Variants in CEP112 observed in about 807,000 individuals in gnomAD.
CEP112 encodes centrosomal protein 112.
In CEP112, 127 loss-of-function variants were observed where a neutral mutation model predicts 153.0. The ratio of observed to expected loss-of-function variants is 0.83; its 90% CI spans 0.72 to 0.96. CEP112 has a LOEUF of 0.96. CEP112 is among the 40% of genes least tolerant of loss of function. CEP112 has a pLI of 0.00. For missense variants in CEP112, 1,089 were observed against 1,101.2 expected (o/e 0.99, Z 0.16); for synonymous variants, 358 against 374.4 (o/e 0.96, Z 0.51).
chr17:65,811,030 A>C (rs1225060524), intron 21 of CEP112, among the ~76,000 whole-genome samples: 1 of 152,236 alleles, frequency 6.6e-6, no homozygotes, highest in African/African-American at 2.4e-5. Flanking sequence ...AGGTTTGAGA[A>C]GAATAGACGG....
intron 10 of CEP112, among the ~76,000 whole-genome samples, chr17:66,064,391 C>A (rs2067037810): frequency 6.6e-6 from 1 of 152,110 alleles, no homozygotes; most frequent in African/African-American, 2.4e-5. Context: ...ATTTCTCTAT[C>A]TTCTTTACTA....
At chr17:66,138,301 G>A (rs1255621379) in intron 4 of CEP112, among the ~76,000 whole-genome samples, 1 of 152,164 alleles carries the variant, frequency 6.6e-6, no homozygotes, top group African/African-American at 2.4e-5. Flanking sequence ...GAGGGGTCTG[G>A]CATAACATTG....
At chr17:65,991,848 T>G (rs1291788836) in intron 17 of CEP112, among the ~76,000 whole-genome samples, 1 of 152,126 alleles carries the variant, frequency 6.6e-6, no homozygotes, top group Non-Finnish European at 1.5e-5. Context: ...TTGGCAATTT[T>G]AAAACTAAAT....
At chr17:65,693,034 C>T (rs1017029715) in intron 23 of CEP112, among the ~76,000 whole-genome samples, 1 of 152,176 alleles carries the variant, frequency 6.6e-6, no homozygotes. Flanking sequence ...AACACACACA[C>T]ACATATCATA....
At chr17:65,906,322 A>G (rs1001716751) in intron 19 of CEP112, among the ~76,000 whole-genome samples, 2 of 152,080 alleles carry the variant, frequency 1.3e-5, no homozygotes, top group Admixed American at 6.6e-5. Flanking sequence ...AATGTAGGTG[A>G]CGGGTTGATG....
chr17:66,020,422 C>G (rs2064956612), intron 16 of CEP112, among the ~76,000 whole-genome samples: 1 of 152,188 alleles, frequency 6.6e-6, no homozygotes, highest in East Asian at 1.9e-4. Context: ...TTCCTATACA[C>G]TAAGCTCATG....
chr17:65,796,597 C>A (rs537725221), intron 21 of CEP112, among the ~76,000 whole-genome samples: 2 of 152,276 alleles, frequency 1.3e-5, no homozygotes, highest in South Asian at 4.1e-4. Flanking sequence ...CTGCAGTGAG[C>A]TCTGATTGAC....
chr17:65,757,432 G>A (rs1264465600), intron 21 of CEP112, among the ~76,000 whole-genome samples: 2 of 152,198 alleles, frequency 1.3e-5, no homozygotes, highest in East Asian at 3.9e-4. Flanking sequence ...AGAAGTGAAG[G>A]AAGGCATAAA....
At chr17:65,646,436 C>T (rs59980683) in intron 24 of CEP112, among the ~76,000 whole-genome samples, 5,219 of 152,208 alleles carry the variant, frequency 0.034, 234 homozygotes, top group African/African-American at 0.098. Flanking sequence ...AAAGCTGAAT[C>T]CTGTTACTTC....
chr17:65,773,722 G>A (rs980145083), intron 21 of CEP112, among the ~76,000 whole-genome samples: 7 of 152,142 alleles, frequency 4.6e-5, no homozygotes, highest in African/African-American at 1.2e-4. Context: ...TCTTAAACCT[G>A]ATATTTTCTT....
intron 23 of CEP112, among the ~76,000 whole-genome samples, chr17:65,729,900 G>A (rs1475602097): frequency 1.4e-5 from 2 of 147,576 alleles, no homozygotes; most frequent in Admixed American, 7.1e-5. Flanking sequence ...GCCACATAGC[G>A]AGATCCTGTC....
At chr17:66,177,935 T>C (rs1332854068) in intron 2 of CEP112, among the ~76,000 whole-genome samples, 2 of 152,224 alleles carry the variant, frequency 1.3e-5, no homozygotes, top group Non-Finnish European at 2.9e-5. Flanking sequence ...TGTGTACATA[T>C]ATCACATTTT....
At chr17:65,655,400 A>T in intron 24 of CEP112, 1 of 1,488,290 alleles carries the variant, frequency 6.7e-7, no homozygotes, top group Non-Finnish European at 9.4e-7. Flanking sequence ...AAGAACTAAG[A>T]ACAGTACATG....
chr17:65,884,706 C>CTTTTTT (rs11370374), intron 20 of CEP112, among the ~76,000 whole-genome samples: 1 of 130,656 alleles, frequency 7.7e-6, no homozygotes. Context: ...TTTGTAGTTT[C>CTTTTTT]TTTTTTTTTT....
chr17:65,853,539 G>T (rs1598785043), intron 20 of CEP112, among the ~76,000 whole-genome samples: 1 of 152,030 alleles, frequency 6.6e-6, no homozygotes, highest in Non-Finnish European at 1.5e-5. Flanking sequence ...GACCAGCCTG[G>T]CCAAGATGGT....
chr17:66,027,337 A>G (rs561119779), intron 16 of CEP112, among the ~76,000 whole-genome samples, 164 bp downstream of exon 16: 1 of 152,154 alleles, frequency 6.6e-6, no homozygotes, highest in African/African-American at 2.4e-5. Flanking sequence ...AGATCGTGCC[A>G]CTGCACTCCA....
intron 12 of CEP112, among the ~76,000 whole-genome samples, chr17:66,035,664 A>G (rs1434775952): frequency 6.6e-6 from 1 of 152,202 alleles, no homozygotes; most frequent in South Asian, 2.1e-4. Context: ...AGTATTCACT[A>G]TAGCCAAGAT....
intron 11 of CEP112, among the ~76,000 whole-genome samples, chr17:66,055,478 C>T (rs755439461): frequency 6.6e-6 from 1 of 152,168 alleles, no homozygotes. Context: ...TCTCAGTGCT[C>T]CTTCACAGCT....
chr17:66,067,006 T>C (rs1321276144), intron 9 of CEP112, 129 bp from the exon 10 acceptor site: 3 of 461,432 alleles, frequency 6.5e-6, no homozygotes, highest in African/African-American at 4.9e-5. Context: ...GACTACACTG[T>C]GAAATTATAA....
Sources: gnomAD v4.1 joint callset for allele counts (sites outside exome capture counted in the v4.1 genomes callset) on GRCh38, gnomAD v4.1.1 for gene constraint, MANE v1.5 for transcripts, NCBI Gene and HGNC (gene_info 2026-07-23, HGNC 2026-07-21) for gene names.